Variants in SPSB4 observed in about 807,000 individuals in gnomAD.
The protein encoded by SPSB4 is splA/ryanodine receptor domain and SOCS box containing 4.
A neutral mutation model predicts 20.9 loss-of-function variants in SPSB4; 21 were observed. The observed-to-expected ratio is 1.01, with a 90% CI of 0.71 to 1.45. The LOEUF (loss-of-function observed/expected upper bound fraction) is 1.45, where lower values mean the gene tolerates loss of function less well. Among genes scored for constraint, SPSB4 ranks in the 40% most tolerant of loss-of-function variants. The pLI, the probability that SPSB4 is intolerant of heterozygous loss-of-function variation, is 0.00. For missense variants in SPSB4, 399 were observed against 399.2 expected (o/e 1.00, Z 0.00); for synonymous variants, 207 against 183.8 (o/e 1.13, Z -1.02).
intron 2 of SPSB4, among the ~76,000 whole-genome samples, chr3:141,069,622 A>G (rs1050356124): frequency 6.6e-6 from 1 of 152,190 alleles, no homozygotes; most frequent in Non-Finnish European, 1.5e-5. Flanking sequence ...GGGGCACCTC[A>G]CAGAGCCGGG....
At chr3:141,111,162 G>C (rs999349907) in intron 2 of SPSB4, among the ~76,000 whole-genome samples, 1 of 152,126 alleles carries the variant, frequency 6.6e-6, no homozygotes, top group Admixed American at 6.5e-5. Context: ...TTTTTCATAA[G>C]TTTGGGGCAA....
At chr3:141,092,535 C>G (rs928648269) in intron 2 of SPSB4, among the ~76,000 whole-genome samples, 1 of 152,222 alleles carries the variant, frequency 6.6e-6, no homozygotes, top group African/African-American at 2.4e-5. Flanking sequence ...GGCCTTGAGG[C>G]TGGGATGGAA....
chr3:141,140,884 G>C (rs554549615), intron 2 of SPSB4, among the ~76,000 whole-genome samples: 1 of 152,370 alleles, frequency 6.6e-6, no homozygotes, highest in African/African-American at 2.4e-5. Flanking sequence ...TAAGACTGCA[G>C]AGGTTATTGC....
intron 1 of SPSB4, among the ~76,000 whole-genome samples, chr3:141,055,156 C>T (rs1937617575): frequency 6.6e-6 from 1 of 152,128 alleles, no homozygotes. Flanking sequence ...CAGCAGGAAT[C>T]AACAGCTAAG....
At chr3:141,060,652 C>T (rs1212113835) in intron 1 of SPSB4, among the ~76,000 whole-genome samples, 1 of 152,212 alleles carries the variant, frequency 6.6e-6, no homozygotes, top group East Asian at 1.9e-4. Context: ...AGTAGAATTG[C>T]TAGGTCAAAG....
chr3:141,125,083 T>TC (rs562592735), intron 2 of SPSB4, among the ~76,000 whole-genome samples: 90 of 151,962 alleles, frequency 5.9e-4, no homozygotes, highest in African/African-American at 2.0e-3. Context: ...ATTTTTCATT[T>TC]CCCCCCACAA....
Position 141,055,368 on chromosome 3 carries a change from G to A in SPSB4, c.-154+3376G>A, listed in dbSNP as rs527646328. 9.2e-5 allele frequency among the ~76,000 whole-genome samples: 14 copies of A among 152,248 alleles called. No individual in the cohort carries two copies. In the South Asian group the frequency reaches 1.7e-3, roughly 18 times the overall value. On this transcript the variant is annotated intron_variant, in intron 1 of 2. Transcript: ENST00000310546. Reference sequence around the variant, plus strand: ...GGGAAGAGTCCCAGGATGTGCTGACGAGGAGAGTCTGGCATGACTGGTCTG... The same window carrying A: ...GGGAAGAGTCCCAGGATGTGCTGACAAGGAGAGTCTGGCATGACTGGTCTG...
chr3:141,109,837 G>A (rs182854850), intron 2 of SPSB4, among the ~76,000 whole-genome samples: 109 of 152,298 alleles, frequency 7.2e-4, no homozygotes, highest in Non-Finnish European at 4.3e-4. Flanking sequence ...CACAGGCTGG[G>A]AGCAGTGCAG....
chr3:141,136,915 A>G (rs929974834), intron 2 of SPSB4, among the ~76,000 whole-genome samples: 1 of 152,180 alleles, frequency 6.6e-6, no homozygotes, highest in African/African-American at 2.4e-5. Flanking sequence ...CATTGAATCT[A>G]TAAATAACCT....
Position 141,144,630 on chromosome 3 carries a change from G to C in SPSB4, c.695-2512G>C, listed in dbSNP as rs139671829. 7.2e-5 allele frequency among the ~76,000 whole-genome samples: 11 copies of C among 152,370 alleles called. No homozygotes were observed. The East Asian group carries it at 1.9e-3, about 27-fold the overall frequency. On this transcript the variant is annotated intron_variant, in intron 2 of 2. Transcript: ENST00000310546. ...TTTACTCTCCCCTCAGAAGTTCGGA[G>C]AGATGATTTATATTTCACATTTAGA...
chr3:141,100,219 C>A (rs917387115), intron 2 of SPSB4, among the ~76,000 whole-genome samples: 1 of 152,192 alleles, frequency 6.6e-6, no homozygotes, highest in Non-Finnish European at 1.5e-5. Context: ...GTGTCCCCCA[C>A]AAATTCATAT....
intron 2 of SPSB4, chr3:141,080,476 G>C (rs1312448635): frequency 6.6e-6 from 1 of 152,438 alleles, no homozygotes; most frequent in African/African-American, 2.4e-5. Flanking sequence ...CCTGGGGCAA[G>C]TGAGTGACCC....
chr3:141,147,336 G>C lies in SPSB4; in HGVS notation c.*67G>C. On this transcript the variant is annotated 3_prime_UTR_variant, in exon 3 of 3. Transcript: ENST00000310546. The stretch of plus-strand genomic sequence containing the variant: ...GGGCCCGACCCTCCTGTCATTCACA[G>C]TCCCATGGCACATAGGGGAAAGGAT... The C allele has an allele frequency of 6.2e-7, 1 of 1,600,210 alleles. No individual in the cohort carries two copies. Among genetic ancestry groups the C allele is most frequent in the Non-Finnish European group, 8.5e-7 (1 of 1,171,112 alleles).
chr3:141,140,946 G>C (rs540422436), intron 2 of SPSB4, among the ~76,000 whole-genome samples: 6 of 152,266 alleles, frequency 3.9e-5, no homozygotes, highest in Admixed American at 3.3e-4. Context: ...TCCAGAGGCA[G>C]GCAGGCCTCC....
chr3:141,129,625 G>A (rs933772142), intron 2 of SPSB4, among the ~76,000 whole-genome samples: 11 of 152,208 alleles, frequency 7.2e-5, no homozygotes, highest in African/African-American at 2.4e-4. Context: ...TGTCATTTCA[G>A]AGAGACGCTG....
intron 2 of SPSB4, among the ~76,000 whole-genome samples, chr3:141,076,677 C>T (rs925379544): frequency 6.6e-6 from 1 of 152,168 alleles, no homozygotes; most frequent in Non-Finnish European, 1.5e-5. Context: ...CTGTCCCGAA[C>T]TTGAGTCCAG....
chr3:141,065,728 A>G (rs1489252439), intron 1 of SPSB4, among the ~76,000 whole-genome samples: 1 of 152,260 alleles, frequency 6.6e-6, no homozygotes. Context: ...ATAATAATGT[A>G]TATCTCTTAT....
At chr3:141,104,157 G>C (rs1284185090) in intron 2 of SPSB4, among the ~76,000 whole-genome samples, 1 of 152,198 alleles carries the variant, frequency 6.6e-6, no homozygotes, top group Non-Finnish European at 1.5e-5. Flanking sequence ...GTGCCTGCAG[G>C]TCCCTGCGGG....
intron 2 of SPSB4, among the ~76,000 whole-genome samples, chr3:141,085,895 C>T (rs1033600848): frequency 2.0e-5 from 3 of 152,212 alleles, no homozygotes; most frequent in Admixed American, 6.5e-5. Flanking sequence ...CAAAGCAGAG[C>T]GGAATTTAGG....
Sources: gnomAD v4.1 joint callset for allele counts (sites outside exome capture counted in the v4.1 genomes callset) on GRCh38, gnomAD v4.1.1 for gene constraint, MANE v1.5 for transcripts, NCBI Gene and HGNC (gene_info 2026-07-23, HGNC 2026-07-21) for gene names.